Variants in SGIP1 observed in about 807,000 individuals in gnomAD.
SGIP1 encodes SH3-containing GRB2-like protein 3-interacting protein 1.
Under a neutral mutation model 107.5 loss-of-function variants are expected in SGIP1, and 38 were observed. That is an observed-to-expected ratio of 0.35 (90% CI 0.27 to 0.46). The LOEUF (loss-of-function observed/expected upper bound fraction) is 0.46, where lower values mean the gene tolerates loss of function less well. Among genes scored for constraint, SGIP1 ranks in the 20% least tolerant of loss-of-function variants. The pLI is 1.00. For synonymous variants in SGIP1, 365 were observed against 366.1 expected, an observed-to-expected ratio of 1.00 and a Z score of 0.03; for missense variants, 929 against 1,019.5, an observed-to-expected ratio of 0.91 and a Z score of 1.21.
At chr1:66,547,836 A>G (rs1470030324) in intron 1 of SGIP1, among the ~76,000 whole-genome samples, 2 of 152,130 alleles carry the variant, frequency 1.3e-5, no homozygotes, top group Non-Finnish European at 2.9e-5. Flanking sequence ...GGTGAAGGCT[A>G]CTTTAAGTGG....
At chr1:66,673,240 G>T (rs1455412725) in intron 11 of SGIP1, 41 bp from the exon 12 acceptor site, 18 of 1,579,230 alleles carry the variant, frequency 1.1e-5, no homozygotes, top group Non-Finnish European at 1.5e-5. Context: ...ATTAATTTTT[G>T]AGCCCTTTCC....
At chr1:66,533,950 C>T (rs1411245309), upstream of SGIP1, among the ~76,000 whole-genome samples, 3 of 147,530 alleles carry the variant, frequency 2.0e-5, no homozygotes, top group East Asian at 6.1e-4. Flanking sequence ...GGGGAAGGGG[C>T]TGTGTATTTG....
chr1:66,640,007 A>T (rs1429751571), intron 5 of SGIP1, among the ~76,000 whole-genome samples, 174 bp downstream of exon 5: 1 of 152,228 alleles, frequency 6.6e-6, no homozygotes, highest in Admixed American at 6.5e-5. Context: ...ACTGGGTTTA[A>T]GATCTTGTCC....
chr1:66,698,834 A>G (rs930499820), intron 18 of SGIP1, among the ~76,000 whole-genome samples: 8 of 151,912 alleles, frequency 5.3e-5, no homozygotes, highest in South Asian at 2.1e-4. Context: ...TTGAACATCA[A>G]GATGTTTCCA....
intron 1 of SGIP1, among the ~76,000 whole-genome samples, chr1:66,609,372 G>A (rs756174633): frequency 8.5e-5 from 13 of 152,232 alleles, no homozygotes; most frequent in Middle Eastern, 3.4e-3. Flanking sequence ...GCCATAGTTT[G>A]AAGACAAAGT....
intron 1 of SGIP1, among the ~76,000 whole-genome samples, chr1:66,538,419 A>G (rs950022607): frequency 2.6e-5 from 4 of 152,300 alleles, no homozygotes; most frequent in African/African-American, 9.6e-5. Flanking sequence ...TCTGTATCAT[A>G]AAGAACCTCT....
At chr1:66,659,767 A>G (rs1164524623) in intron 7 of SGIP1, among the ~76,000 whole-genome samples, 1 of 151,182 alleles carries the variant, frequency 6.6e-6, no homozygotes, top group Non-Finnish European at 1.5e-5. Context: ...ATAATTAGCC[A>G]GAGACTGTTG....
chr1:66,627,721 A>G (rs1455157005), intron 2 of SGIP1, among the ~76,000 whole-genome samples: 1 of 152,188 alleles, frequency 6.6e-6, no homozygotes, highest in Admixed American at 6.6e-5. Flanking sequence ...TGAGGATTAT[A>G]TAATTTACAT....
chr1:66,650,398 A>C (rs1160296981), intron 7 of SGIP1, among the ~76,000 whole-genome samples: 5 of 152,162 alleles, frequency 3.3e-5, no homozygotes, highest in Non-Finnish European at 5.9e-5. Flanking sequence ...TATGTTGAGC[A>C]CCTTCCATGT....
At chr1:66,650,645 C>T (rs911668273) in intron 7 of SGIP1, among the ~76,000 whole-genome samples, 4 of 152,174 alleles carry the variant, frequency 2.6e-5, no homozygotes, top group African/African-American at 9.6e-5. Flanking sequence ...AAATCCCACA[C>T]GGAGCACTGT....
At position 66,573,523 on chromosome 1, in the gene SGIP1, G is replaced by A. The variant is rs181656277; in HGVS notation, c.10+39155G>A. Reference sequence around the variant, plus strand: ...GGAATCAACCTAAATGCCCATCAGTGGTAGACTGGATAAAGAAAAGGTGGT... The same window carrying A: ...GGAATCAACCTAAATGCCCATCAGTAGTAGACTGGATAAAGAAAAGGTGGT... On this transcript the variant is annotated intron_variant, in intron 1 of 24. Transcript: ENST00000371037. Among the ~76,000 whole-genome samples, 3 of 152,208 alleles carry A rather than the reference G, an allele frequency of 2.0e-5. No homozygotes were observed. In the East Asian group the frequency reaches 5.8e-4, roughly 29 times the overall value.
intron 17 of SGIP1, among the ~76,000 whole-genome samples, chr1:66,690,812 C>T (rs7554174): frequency 0.012 from 1,901 of 152,130 alleles, 38 homozygotes; most frequent in African/African-American, 0.043. Context: ...GCAAACTTTT[C>T]GACATTTTTT....
At chr1:66,740,764 A>AGCTTT in intron 23 of SGIP1, 42 bp downstream of exon 23, 2 of 1,402,044 alleles carry the variant, frequency 1.4e-6, no homozygotes, top group Non-Finnish European at 2.0e-6. Flanking sequence ...ATGTAAAGCT[A>AGCTTT]AAATGGCTTT....
intron 21 of SGIP1, among the ~76,000 whole-genome samples, chr1:66,736,048 C>T (rs2094219289): frequency 6.7e-6 from 1 of 149,294 alleles, no homozygotes; most frequent in Non-Finnish European, 1.5e-5. Flanking sequence ...TGAATTGATG[C>T]TAAAAAGAAA....
chr1:66,541,095 C>G (rs1424315179), intron 1 of SGIP1, among the ~76,000 whole-genome samples: 4 of 152,186 alleles, frequency 2.6e-5, no homozygotes, highest in African/African-American at 9.7e-5. Context: ...ATTCTGCATC[C>G]ACAATTTACT....
chr1:66,721,152 C>T (rs780752459), intron 19 of SGIP1, among the ~76,000 whole-genome samples: 2 of 152,140 alleles, frequency 1.3e-5, no homozygotes, highest in Non-Finnish European at 2.9e-5. Context: ...TTGCCACATC[C>T]CCATATCAAT....
chr1:66,660,009 A>G (rs2080758391), intron 7 of SGIP1: 4 of 81,528 alleles, frequency 4.9e-5, no homozygotes, highest in African/African-American at 7.4e-5. Context: ...ACAGACAGAC[A>G]GACAGACAGG....
intron 20 of SGIP1, among the ~76,000 whole-genome samples, chr1:66,731,620 C>A (rs1214424676): frequency 6.6e-6 from 1 of 151,884 alleles, no homozygotes; most frequent in Non-Finnish European, 1.5e-5. Context: ...GATGAGTGAC[C>A]CTTTAGTCAT....
intron 17 of SGIP1, among the ~76,000 whole-genome samples, chr1:66,693,526 A>G (rs2150134032): frequency 6.6e-6 from 1 of 152,284 alleles, no homozygotes; most frequent in African/African-American, 2.4e-5. Flanking sequence ...TATTTGTGGA[A>G]TATTTTTTCT....
Sources: gnomAD v4.1 joint callset for allele counts (sites outside exome capture counted in the v4.1 genomes callset) on GRCh38, gnomAD v4.1.1 for gene constraint, MANE v1.5 for transcripts, NCBI Gene and HGNC (gene_info 2026-07-23, HGNC 2026-07-21) for gene names.